The following C1orf87 variants were observed in gnomAD, a reference collection of about 807,000 sequenced individuals.
C1orf87 encodes the protein chromosome 1 open reading frame 87.
Under a neutral mutation model 60.5 loss-of-function variants are expected in C1orf87, and 58 were observed. The ratio of observed to expected loss-of-function variants is 0.96; its 90% CI spans 0.78 to 1.19. The LOEUF (loss-of-function observed/expected upper bound fraction) is 1.19. Ranked by LOEUF, C1orf87 falls within the 50% of genes most tolerant of loss-of-function variation. The pLI, the probability that C1orf87 is intolerant of heterozygous loss-of-function variation, is 0.00. For synonymous variants in C1orf87, 236 were observed against 227.4 expected (o/e 1.04, Z -0.34); for missense variants, 673 against 638.6 (o/e 1.05, Z -0.58).
At chr1:60,016,642 C>T (rs1053892333) in intron 8 of C1orf87, among the ~76,000 whole-genome samples, 12 of 152,104 alleles carry the variant, frequency 7.9e-5, no homozygotes, top group Non-Finnish European at 4.4e-5. Context: ...ATTTCAGAAC[C>T]AGGTTGCCAG....
At chr1:59,998,031 G>A (rs914490980) in intron 10 of C1orf87, among the ~76,000 whole-genome samples, 1 of 152,090 alleles carries the variant, frequency 6.6e-6, no homozygotes, top group African/African-American at 2.4e-5. Context: ...TAAAGAGAAG[G>A]GTGACATCAT....
chr1:60,062,532 T>C (rs1645504124), intron 2 of C1orf87, among the ~76,000 whole-genome samples: 1 of 152,180 alleles, frequency 6.6e-6, no homozygotes, highest in African/African-American at 2.4e-5. Flanking sequence ...CCTAATTTGA[T>C]TTGTAAAAAA....
At chr1:60,058,937 A>G (rs1049244544) in intron 2 of C1orf87, among the ~76,000 whole-genome samples, 1 of 152,212 alleles carries the variant, frequency 6.6e-6, no homozygotes, top group Admixed American at 6.5e-5. Context: ...TCTTTGCTTT[A>G]ATCACCTTTG....
intron 3 of C1orf87, among the ~76,000 whole-genome samples, chr1:60,051,411 G>T (rs1645413466): frequency 1.3e-5 from 2 of 152,182 alleles, no homozygotes; most frequent in Admixed American, 1.3e-4. Flanking sequence ...GACTTAAAAT[G>T]CACTTGTGTA....
intron 8 of C1orf87, among the ~76,000 whole-genome samples, chr1:60,016,625 C>T (rs1645126408): frequency 6.6e-6 from 1 of 152,104 alleles, no homozygotes; most frequent in Non-Finnish European, 1.5e-5. Flanking sequence ...GGCTCCAAAC[C>T]TAGTGTATTT....
At chr1:60,021,174 A>C (rs1057074428) in intron 8 of C1orf87, among the ~76,000 whole-genome samples, 6 of 152,144 alleles carry the variant, frequency 3.9e-5, no homozygotes, top group African/African-American at 1.2e-4. Flanking sequence ...CTGTGAGTCA[A>C]TTAAACTTCT....
intron 3 of C1orf87, among the ~76,000 whole-genome samples, chr1:60,050,310 T>TA (rs1645404989): frequency 1.3e-5 from 2 of 152,052 alleles, no homozygotes; most frequent in African/African-American, 4.8e-5. Context: ...TGGAGTGCTT[T>TA]ATATTTTGTT....
intron 9 of C1orf87, among the ~76,000 whole-genome samples, chr1:60,006,949 T>C (rs911099285): frequency 6.6e-6 from 1 of 151,986 alleles, no homozygotes; most frequent in Non-Finnish European, 1.5e-5. Context: ...TCTCACTCTT[T>C]TGCACAAGCT....
At chr1:60,033,200 T>C (rs145650797) in intron 7 of C1orf87, among the ~76,000 whole-genome samples, 1 of 152,024 alleles carries the variant, frequency 6.6e-6, no homozygotes, top group East Asian at 1.9e-4. Context: ...AAAATAGTTG[T>C]TTTCCATTAT....
intron 2 of C1orf87, among the ~76,000 whole-genome samples, chr1:60,064,882 CTAAA>C (rs1645530676): frequency 1.4e-5 from 1 of 73,558 alleles, no homozygotes; most frequent in Non-Finnish European, 2.4e-5. Flanking sequence ...TATATTTGTT[CTAAA>C]TAAATATATA....
chr1:59,997,661 G>A lies in C1orf87; in HGVS notation c.1428C>T (p.Asp476=). Residue 476 remains aspartate (D), a synonymous_variant, in exon 11 of 12, where the codon GAC becomes GAT. Coordinates refer to ENST00000371201, the MANE Select transcript of C1orf87 (RefSeq NM_152377.3). Reference sequence around the variant, plus strand: ...GGGCATTTTCCAGCTTCCTGAACCTGTCTATCCACGTCTCACATTCCTCAG... The same window carrying A: ...GGGCATTTTCCAGCTTCCTGAACCTATCTATCCACGTCTCACATTCCTCAG... The part of the protein sequence containing the change: ...NKAEECETWI[D]RFRKLENALY... 6.2e-7 allele frequency: 1 copy of A among 1,613,918 alleles called. No individual in the cohort carries two copies.
intron 8 of C1orf87, among the ~76,000 whole-genome samples, chr1:60,016,718 A>G (rs1645127202): frequency 1.3e-5 from 2 of 152,306 alleles, no homozygotes; most frequent in South Asian, 4.1e-4. Flanking sequence ...CTACACTGGT[A>G]AGGAAAGGTT....
chr1:60,002,303 T>G (rs1422153095), intron 9 of C1orf87, among the ~76,000 whole-genome samples: 1 of 152,098 alleles, frequency 6.6e-6, no homozygotes, highest in South Asian at 2.1e-4. Context: ...TTACTTGTCC[T>G]CTCTGTGCCT....
Position 60,055,164 on chromosome 1 carries a change from T to G in C1orf87, c.342+40A>C, listed in dbSNP as rs1237269461. The G allele has an allele frequency of 6.0e-6, 9 of 1,496,660 alleles. No individual in the cohort carries two copies. In the South Asian group the frequency reaches 9.1e-5, roughly 15 times the overall value. 92.7% of individuals were successfully genotyped at this position (1,496,660 alleles called of 1,614,324 possible). A position where few individuals can be genotyped will look rare whatever the true frequency, so the allele number is the denominator to read the frequency against. Reference sequence around the variant, plus strand: ...TATGTTTTTATCTATATTTTCCTAATAAATTATCAAGATAAACGTGGGTAT... The same window carrying G: ...TATGTTTTTATCTATATTTTCCTAAGAAATTATCAAGATAAACGTGGGTAT... On this transcript the variant is annotated intron_variant, in intron 3 of 11. Coordinates refer to ENST00000371201, the MANE Select transcript of C1orf87 (RefSeq NM_152377.3).
At chr1:60,054,077 A>G (rs991972286) in intron 3 of C1orf87, among the ~76,000 whole-genome samples, 4 of 152,256 alleles carry the variant, frequency 2.6e-5, no homozygotes, top group African/African-American at 9.6e-5. Context: ...AGGTTAAAAC[A>G]TTCAGATAAA....
At position 59,990,676 on chromosome 1, in the gene C1orf87, T is replaced by C; in HGVS notation, c.1638A>G (p.Leu546=). 4 of 1,613,864 alleles carry C rather than the reference T, an allele frequency of 2.5e-6. No individual in the cohort carries two copies. In the South Asian group the frequency reaches 3.3e-5, roughly 13 times the overall value. The change falls in exon 12 of 12, where the codon CTA becomes CTG. Residue 546 remains leucine, a synonymous_variant. Transcript: ENST00000371201. ...LEPALRYLKE[L] is the part of the protein sequence containing the mutation. ...TTCTCACAATATGGGCTTGTTATCATAGCTCCTTTAAGTACCGCAGTGCTG... is the reference window on the plus strand; with the variant it reads ...TTCTCACAATATGGGCTTGTTATCACAGCTCCTTTAAGTACCGCAGTGCTG...
intron 3 of C1orf87, among the ~76,000 whole-genome samples, chr1:60,044,191 G>A (rs188771009): frequency 2.0e-4 from 31 of 152,062 alleles, no homozygotes; most frequent in African/African-American, 5.8e-4. Flanking sequence ...CACCATGCCC[G>A]GCTAATTTTT....
At chr1:60,005,788 T>C (rs1031784064) in intron 9 of C1orf87, among the ~76,000 whole-genome samples, 149 of 150,866 alleles carry the variant, frequency 9.9e-4, no homozygotes, top group Admixed American at 3.6e-3. Context: ...TGTGTGTGTG[T>C]GTGCTTCTCA....
At chr1:60,034,623 C>T (rs1412015851) in intron 6 of C1orf87, among the ~76,000 whole-genome samples, 1 of 152,214 alleles carries the variant, frequency 6.6e-6, no homozygotes, top group African/African-American at 2.4e-5. Context: ...CAGGCTACCA[C>T]TGTGACATTG....
Sources: allele counts gnomAD v4.1 joint callset (sites outside exome capture counted in the v4.1 genomes callset), GRCh38; gene constraint gnomAD v4.1.1; transcripts MANE v1.5; gene names NCBI Gene and HGNC (gene_info 2026-07-23, HGNC 2026-07-21).